DGKB: variants seen among roughly 807,000 people sequenced by gnomAD.
DGKB encodes the protein diacylglycerol kinase beta, also known as 90 kDa diacylglycerol kinase.
DGKB carries 67 observed loss-of-function variants against 114.3 expected under a neutral mutation model. The ratio of observed to expected loss-of-function variants is 0.59; its 90% confidence interval spans 0.48 to 0.72. DGKB has a LOEUF of 0.72. DGKB is among the 30% of genes least tolerant of loss of function. The pLI is 0.00. For synonymous variants in DGKB, 398 were observed against 323.1 expected (o/e 1.23, Z -2.49); for missense variants, 907 against 975.2 (o/e 0.93, Z 0.93).
Position 14,186,740 on chromosome 7 carries a change from C to T in DGKB, c.2123-8589G>A, listed in dbSNP as rs187093829. Among the ~76,000 whole-genome samples the T allele has an allele frequency of 2.1e-3, 323 of 152,204 alleles. 1 individual carries two copies. Among genetic ancestry groups the T allele is most frequent in the African/African-American group, 7.2e-3 (300 of 41,524 alleles). ...GCAGTGCCCTGGATGAGACTGGAGA[C>T]TATTATTCTAAGTGAAATAACTCAG... On this transcript the variant is annotated intron_variant, in intron 23 of 25. Transcript: ENST00000402815.
chr7:14,421,075 T>A (rs557636369), intron 21 of DGKB, among the ~76,000 whole-genome samples: 20 of 152,114 alleles, frequency 1.3e-4, no homozygotes, highest in South Asian at 6.2e-4. Flanking sequence ...TTGGCCAGAG[T>A]CAAACCTCCA....
At chr7:14,842,972 CT>C (rs1423297972) in intron 1 of DGKB, among the ~76,000 whole-genome samples, 1 of 152,136 alleles carries the variant, frequency 6.6e-6, no homozygotes, top group East Asian at 1.9e-4. Context: ...CACTGGGAGG[CT>C]GAGGCAGGAG....
intron 25 of DGKB, among the ~76,000 whole-genome samples, chr7:14,150,442 G>C (rs2128210675): frequency 6.6e-6 from 1 of 152,124 alleles, no homozygotes; most frequent in South Asian, 2.1e-4. Flanking sequence ...TCTGCAGTGG[G>C]GCTTTTGGGA....
At chr7:14,585,570 G>A (rs1314473977) in intron 17 of DGKB, among the ~76,000 whole-genome samples, 1 of 152,064 alleles carries the variant, frequency 6.6e-6, no homozygotes, top group Non-Finnish European at 1.5e-5. Context: ...CATGTCAATG[G>A]GCATTTCAAC....
At chr7:14,393,871 A>T (rs1821822877) in intron 21 of DGKB, among the ~76,000 whole-genome samples, 1 of 152,186 alleles carries the variant, frequency 6.6e-6, no homozygotes, top group Non-Finnish European at 1.5e-5. Context: ...ATATAACATG[A>T]AGATTGTGTA....
At chr7:14,171,239 G>A (rs976214251) in intron 25 of DGKB, among the ~76,000 whole-genome samples, 4 of 152,148 alleles carry the variant, frequency 2.6e-5, no homozygotes, top group Non-Finnish European at 4.4e-5. Context: ...AGAAGTTGCC[G>A]TGGCCTCAGC....
At chr7:14,662,445 T>C (rs927519419) in intron 13 of DGKB, among the ~76,000 whole-genome samples, 8 of 151,950 alleles carry the variant, frequency 5.3e-5, no homozygotes, top group Admixed American at 2.0e-4. Context: ...GACTCATTTG[T>C]AGGACAAAAT....
At chr7:14,823,242 G>C (rs1333378156) in intron 2 of DGKB, among the ~76,000 whole-genome samples, 1 of 151,786 alleles carries the variant, frequency 6.6e-6, no homozygotes, top group East Asian at 1.9e-4. Flanking sequence ...ATGTAGATAA[G>C]CTACAATATA....
At chr7:14,449,858 T>C (rs1554441316) in intron 21 of DGKB, among the ~76,000 whole-genome samples, 1 of 152,038 alleles carries the variant, frequency 6.6e-6, no homozygotes, top group Non-Finnish European at 1.5e-5. Context: ...CCAACCCAGT[T>C]AGGTATTCTG....
intron 21 of DGKB, among the ~76,000 whole-genome samples, chr7:14,455,033 A>C (rs1244181407): frequency 6.6e-6 from 1 of 152,058 alleles, no homozygotes; most frequent in Non-Finnish European, 1.5e-5. Context: ...ATATGACATC[A>C]GAAGTGTCTC....
At chr7:14,486,521 G>A (rs12699622) in intron 20 of DGKB, among the ~76,000 whole-genome samples, 63,356 of 151,930 alleles carry the variant, frequency 0.42, 14,001 homozygotes, top group East Asian at 0.74. Context: ...CATTTTCACC[G>A]AGGTATCCAG....
intron 2 of DGKB, among the ~76,000 whole-genome samples, chr7:14,760,088 A>G (rs979500): frequency 0.18 from 27,282 of 151,990 alleles, 4,255 homozygotes; most frequent in African/African-American, 0.43. Context: ...TTCTTTGACC[A>G]TTTTTTAATT....
chr7:14,760,038 T>C (rs987836854), intron 2 of DGKB, among the ~76,000 whole-genome samples: 1 of 152,216 alleles, frequency 6.6e-6, no homozygotes, highest in South Asian at 2.1e-4. Flanking sequence ...TATATGCCTA[T>C]TGGTCGTTTG....
At chr7:14,563,123 C>T (rs975723455) in intron 20 of DGKB, among the ~76,000 whole-genome samples, 10 of 152,154 alleles carry the variant, frequency 6.6e-5, no homozygotes, top group African/African-American at 2.4e-4. Context: ...CGCTCTCTTG[C>T]CTGCCACCAT....
At chr7:14,388,969 G>A (rs761631323) in intron 21 of DGKB, among the ~76,000 whole-genome samples, 1 of 152,102 alleles carries the variant, frequency 6.6e-6, no homozygotes, top group Non-Finnish European at 1.5e-5. Flanking sequence ...AAGCACTCTT[G>A]GAATGATCAT....
intron 20 of DGKB, among the ~76,000 whole-genome samples, chr7:14,531,270 T>C (rs1027738877): frequency 2.0e-5 from 3 of 151,490 alleles, no homozygotes; most frequent in Non-Finnish European, 4.4e-5. Context: ...CAATGTTTTC[T>C]TTGAAGACAA....
At chr7:14,922,372 C>A in intron 1 of DGKB, among the ~76,000 whole-genome samples, 1 of 105,548 alleles carries the variant, frequency 9.5e-6, no homozygotes. Flanking sequence ...TATGTGTATC[C>A]ATCGTGTGTG....
chr7:14,478,235 G>A lies in DGKB; in HGVS notation c.1771-10C>T. 2 of 1,545,828 alleles carry A rather than the reference G, an allele frequency of 1.3e-6. No homozygotes were observed. Among genetic ancestry groups the A allele is most frequent in the Non-Finnish European group, 1.8e-6 (2 of 1,137,214 alleles). On this transcript the variant is annotated splice_polypyrimidine_tract_variant and intron_variant, in intron 20 of 25. Coordinates refer to ENST00000402815, the MANE Select transcript of DGKB (RefSeq NM_001350709.2). ...GTGCAATGGAGGCATCCTAAGGGGAGAAAATAGAAAACAAAAACAGGATGG... is the reference window on the plus strand; with the variant it reads ...GTGCAATGGAGGCATCCTAAGGGGAAAAAATAGAAAACAAAAACAGGATGG...
chr7:14,920,412 T>TAAA (rs1390283180), intron 1 of DGKB, among the ~76,000 whole-genome samples: 4 of 152,136 alleles, frequency 2.6e-5, no homozygotes, highest in Non-Finnish European at 5.9e-5. Flanking sequence ...ACATCATATG[T>TAAA]TATTAGGTAA....
Sources: allele counts gnomAD v4.1 joint callset (sites outside exome capture counted in the v4.1 genomes callset), GRCh38; gene constraint gnomAD v4.1.1; transcripts MANE v1.5; gene names NCBI Gene and HGNC (gene_info 2026-07-23, HGNC 2026-07-21).